The following LANCL2 variants were observed in gnomAD, a reference collection of about 807,000 sequenced individuals.
LANCL2 encodes the protein LanC like glutathione S-transferase 2, also known as lanC-like protein 2.
Under a neutral mutation model 56.9 loss-of-function variants are expected in LANCL2, and 33 were observed. That is an observed-to-expected ratio of 0.58 (90% CI 0.44 to 0.78). LANCL2 has a LOEUF of 0.78. LANCL2 is among the 30% of genes least tolerant of loss of function. The probability of loss-of-function intolerance (pLI) is 0.00; values close to 1 mark genes in which losing one functional copy is unlikely to be tolerated. For missense variants in LANCL2, 562 were observed against 580.2 expected (o/e 0.97, Z 0.32); for synonymous variants, 233 against 228.2 (o/e 1.02, Z -0.19).
intron 2 of LANCL2, 89 bp from the exon 3 acceptor site, chr7:55,398,334 G>A (rs1790280276): frequency 3.3e-6 from 3 of 907,952 alleles, no homozygotes; most frequent in African/African-American, 1.7e-5. Flanking sequence ...TTATGTAGAA[G>A]AAGGTATTTC....
At chr7:55,423,889 C>T (rs1790634697) in intron 6 of LANCL2, among the ~76,000 whole-genome samples, 1 of 152,200 alleles carries the variant, frequency 6.6e-6, no homozygotes, top group Admixed American at 6.5e-5. Context: ...TCCCTAACAG[C>T]CTAACTTTGG....
Position 55,365,900 on chromosome 7 carries a change from AGC to A in LANCL2, c.-120_-119del. ...GCTCAGACGCCCCGCTCCTCCCGCC[AGC>A]GCGCGGCCTCGCTCCTCCTAGAGGA... On this transcript the variant is annotated 5_prime_UTR_variant, in exon 1 of 9. It removes the in-frame stop codon of an upstream open reading frame in the 5' UTR. Coordinates refer to ENST00000254770, the MANE Select transcript of LANCL2 (RefSeq NM_018697.4). 1 of 674,216 alleles carries A rather than the reference AGC, an allele frequency of 1.5e-6. No individual in the cohort carries two copies. Among genetic ancestry groups the A allele is most frequent in the East Asian group, 3.4e-5 (1 of 29,250 alleles). 41.8% of individuals were successfully genotyped at this position (674,216 alleles called of 1,614,324 possible).
At chr7:55,387,641 G>C (rs1321207170) in intron 1 of LANCL2, among the ~76,000 whole-genome samples, 2 of 151,028 alleles carry the variant, frequency 1.3e-5, no homozygotes, top group African/African-American at 4.9e-5. Context: ...TTTTAACATA[G>C]AGGATTAATG....
Position 55,366,117 on chromosome 7 carries a change from A to G in LANCL2, c.92A>G (p.Tyr31Cys). The G allele has an allele frequency of 6.5e-7, 1 of 1,546,696 alleles. No individual in the cohort carries two copies. Among genetic ancestry groups the G allele is most frequent in the Non-Finnish European group, 8.7e-7 (1 of 1,143,150 alleles). Reference protein sequence around the residue: ...ERAFVNPFPDYEAAAGALLAS... With the variant: ...ERAFVNPFPDCEAAAGALLAS... The stretch of plus-strand genomic sequence containing the variant: ...GCGTTCGTCAACCCCTTCCCGGACT[A>G]CGAGGCCGCCGCCGGGGCGCTGCTC... The change falls in exon 1 of 9, where the codon TAC (tyrosine) becomes TGC (cysteine). Residue 31 changes from tyrosine to cysteine, a missense_variant. Around this residue, in one of 2 missense-constraint regions of LANCL2, gnomAD observed 184 missense variants for 111.8 expected, o/e 1.65. Coordinates refer to ENST00000254770, the MANE Select transcript of LANCL2 (RefSeq NM_018697.4).
At chr7:55,380,190 G>T in intron 1 of LANCL2, among the ~76,000 whole-genome samples, 1 of 152,150 alleles carries the variant, frequency 6.6e-6, no homozygotes, top group East Asian at 1.9e-4. Context: ...TAAATATAAT[G>T]TCAAAGGGGA....
intron 6 of LANCL2, among the ~76,000 whole-genome samples, chr7:55,412,311 G>T (rs1171932590): frequency 1.3e-5 from 2 of 152,228 alleles, no homozygotes; most frequent in South Asian, 4.1e-4. Flanking sequence ...TGTTAACAGG[G>T]TTTATATTCA....
At chr7:55,425,970 C>T (rs1454880647) in intron 7 of LANCL2, among the ~76,000 whole-genome samples, 1 of 152,178 alleles carries the variant, frequency 6.6e-6, no homozygotes, top group African/African-American at 2.4e-5. Context: ...CCCTCTAGCC[C>T]GCCATAATAC....
intron 1 of LANCL2, among the ~76,000 whole-genome samples, chr7:55,376,960 T>C (rs1461032373): frequency 2.6e-5 from 4 of 152,230 alleles, no homozygotes; most frequent in African/African-American, 9.6e-5. Context: ...TATCTGAAAG[T>C]TAGAAAAATA....
intron 4 of LANCL2, 21 bp from the exon 5 acceptor site, chr7:55,401,153 G>A (rs1041454701): frequency 1.9e-6 from 3 of 1,609,822 alleles, no homozygotes; most frequent in Non-Finnish European, 1.7e-6. Flanking sequence ...TTAGATTTAT[G>A]CTGTCTTGTT....
chr7:55,368,167 G>C (rs562966220), intron 1 of LANCL2, among the ~76,000 whole-genome samples: 6 of 152,346 alleles, frequency 3.9e-5, no homozygotes, highest in African/African-American at 1.4e-4. Context: ...AAGCAGGTGA[G>C]TTTCATTTGC....
At chr7:55,383,598 AAAAT>A (rs1454954432) in intron 1 of LANCL2, among the ~76,000 whole-genome samples, 2 of 152,248 alleles carry the variant, frequency 1.3e-5, no homozygotes, top group Non-Finnish European at 2.9e-5. Flanking sequence ...TTTCTGCTAG[AAAAT>A]AAACATTTCT....
chr7:55,412,723 AT>A (rs1053503607), intron 6 of LANCL2, among the ~76,000 whole-genome samples: 3 of 152,182 alleles, frequency 2.0e-5, no homozygotes, highest in Admixed American at 6.5e-5. Flanking sequence ...TTCTTTTATA[AT>A]TTTATTTTGT....
chr7:55,431,166 T>G (rs1790722741), intron 8 of LANCL2, 60 bp from the exon 9 acceptor site: 1 of 1,217,156 alleles, frequency 8.2e-7, no homozygotes, highest in South Asian at 1.5e-5. Flanking sequence ...TGATTAAAAG[T>G]CACTGTTATA....
intron 1 of LANCL2, among the ~76,000 whole-genome samples, chr7:55,371,863 A>G (rs1420410527): frequency 6.6e-6 from 1 of 152,162 alleles, no homozygotes; most frequent in Admixed American, 6.5e-5. Flanking sequence ...CTACCCTAAT[A>G]CCCAGAGAAA....
chr7:55,366,173 G>A lies in LANCL2; in HGVS notation c.148G>A (p.Val50Ile). 1 of 1,559,654 alleles carries A rather than the reference G, an allele frequency of 6.4e-7. No homozygotes were observed. The highest frequency in any genetic ancestry group is 8.7e-7 in the Non-Finnish European group (1 of 1,151,286). Residue 50 changes from valine (V) to isoleucine (I), a missense_variant, in exon 1 of 9, where the codon GTT (valine) becomes ATT (isoleucine). By Grantham distance (29) the Val-to-Ile change is conservative. Around this residue, in one of 2 missense-constraint regions of LANCL2, gnomAD observed 184 missense variants for 111.8 expected, o/e 1.65. Coordinates refer to ENST00000254770, the MANE Select transcript of LANCL2 (RefSeq NM_018697.4). ...ASGAAEETGCVRPPATTDEPG... is the reference protein window; with the variant it reads ...ASGAAEETGCIRPPATTDEPG... ...CGGAGCGGCCGAAGAGACAGGCTGT[G>A]TTCGTCCCCCGGCGACCACGGATGA...
chr7:55,404,498 A>G (rs1271302316), intron 5 of LANCL2, among the ~76,000 whole-genome samples: 1 of 152,250 alleles, frequency 6.6e-6, no homozygotes, highest in Non-Finnish European at 1.5e-5. Context: ...AAAGGAAACC[A>G]GGAAATTCAT....
At chr7:55,384,625 C>T (rs1283606596) in intron 1 of LANCL2, among the ~76,000 whole-genome samples, 1 of 151,856 alleles carries the variant, frequency 6.6e-6, no homozygotes, top group Non-Finnish European at 1.5e-5. Flanking sequence ...GAGGAATAAA[C>T]ACAAAGAAGC....
chr7:55,432,651 AG>A lies in LANCL2; in HGVS notation c.*1332del, dbSNP rs1790743224. On this transcript the variant is annotated 3_prime_UTR_variant, in exon 9 of 9. Transcript: ENST00000254770. ...GGAGGCCTGAGCATTTCCCAGCCCC[AG>A]TGTCCACACCTCTCAGAAAAGAGAA... 1 of 132,610 alleles carries A rather than the reference AG, an allele frequency of 7.5e-6. No homozygotes were observed. The highest frequency in any genetic ancestry group is 7.0e-5 in the Admixed American group (1 of 14,252). 8.2% of individuals were successfully genotyped at this position (132,610 alleles called of 1,614,324 possible). A position where few individuals can be genotyped will look rare whatever the true frequency, so the allele number is the denominator to read the frequency against.
chr7:55,386,087 T>C (rs1382164273), intron 1 of LANCL2, among the ~76,000 whole-genome samples: 2 of 152,236 alleles, frequency 1.3e-5, no homozygotes, highest in African/African-American at 4.8e-5. Flanking sequence ...TATCCTGTTC[T>C]TTTTTCAGGG....
Sources: gnomAD v4.1 joint callset for allele counts (sites outside exome capture counted in the v4.1 genomes callset) on GRCh38, gnomAD v4.1.1 for gene constraint, gnomAD v4.1.1 regional missense constraint, MANE v1.5 for transcripts, NCBI Gene and HGNC (gene_info 2026-07-23, HGNC 2026-07-21) for gene names.